Variants in RABGAP1L observed in about 807,000 individuals in gnomAD.
RABGAP1L encodes RAB GTPase activating protein 1 like.
In RABGAP1L, 63 loss-of-function variants were observed where a neutral mutation model predicts 137.7. That is an observed-to-expected ratio of 0.46 (90% CI 0.37 to 0.56). RABGAP1L has a LOEUF of 0.56. RABGAP1L is among the 20% of genes least tolerant of loss of function. RABGAP1L has a pLI of 0.00. For missense variants in RABGAP1L, 1,095 were observed against 1,244.0 expected (o/e 0.88, Z 1.80); for synonymous variants, 431 against 433.7 (o/e 0.99, Z 0.08).
intron 17 of RABGAP1L, among the ~76,000 whole-genome samples, chr1:174,744,969 G>A (rs189141): frequency 0.14 from 20,726 of 152,046 alleles, 4,724 homozygotes; most frequent in African/African-American, 0.47. Flanking sequence ...TTCTAAATCC[G>A]AAATTATTTC....
chr1:174,892,707 G>C (rs1656384056), intron 19 of RABGAP1L: 4 of 511,976 alleles, frequency 7.8e-6, no homozygotes, highest in Admixed American at 6.4e-5. Flanking sequence ...ATTGCTTCAG[G>C]CTACCTCATT....
intron 13 of RABGAP1L, among the ~76,000 whole-genome samples, chr1:174,561,778 G>T (rs1667236259): frequency 6.6e-6 from 1 of 152,186 alleles, no homozygotes; most frequent in South Asian, 2.1e-4. Context: ...TTAATAAATG[G>T]TGTTGGGAAA....
chr1:174,490,477 C>A lies in RABGAP1L; in HGVS notation c.1710+96332C>A, dbSNP rs1159890256. Reference sequence around the variant, plus strand: ...AGCTGCCTGGAGCTGTGGGTTGATACAAGTGCCCCTGTGGTTACCACCACT... The same window carrying A: ...AGCTGCCTGGAGCTGTGGGTTGATAAAAGTGCCCCTGTGGTTACCACCACT... On this transcript the variant is annotated intron_variant, in intron 13 of 25. Transcript: ENST00000681986. 2.6e-5 allele frequency among the ~76,000 whole-genome samples: 4 copies of A among 152,132 alleles called. No individual in the cohort carries two copies. In the East Asian group the frequency reaches 5.8e-4, roughly 22 times the overall value.
rs575414090 is a variant in RABGAP1L at position 174,546,957 on chromosome 1, G to A, written c.1711-90418G>A. ...AGGCAGGAGAATGGCGTGAACCCGG[G>A]AGGCGGAGCTTGCAGTGAGCAGAGA... is the stretch of plus-strand genomic sequence containing the variant. On this transcript the variant is annotated intron_variant, in intron 13 of 25. Transcript: ENST00000681986. Among the ~76,000 whole-genome samples, 9 of 146,634 alleles carry A rather than the reference G, an allele frequency of 6.1e-5. No individual in the cohort carries two copies. In the South Asian group the frequency reaches 1.9e-3, roughly 32 times the overall value.
At chr1:174,214,919 T>A (rs2148445908) in intron 1 of RABGAP1L, among the ~76,000 whole-genome samples, 1 of 152,298 alleles carries the variant, frequency 6.6e-6, no homozygotes, top group Non-Finnish European at 1.5e-5. Flanking sequence ...TCCAGGACGT[T>A]GGACTGGGCA....
At chr1:174,387,936 T>C (rs1686933983) in intron 12 of RABGAP1L, among the ~76,000 whole-genome samples, 1 of 152,078 alleles carries the variant, frequency 6.6e-6, no homozygotes, top group Non-Finnish European at 1.5e-5. Flanking sequence ...ATGAAAAGGG[T>C]AACATTTGTG....
At chr1:174,184,007 A>T (rs1666596417) in intron 1 of RABGAP1L, among the ~76,000 whole-genome samples, 1 of 151,312 alleles carries the variant, frequency 6.6e-6, no homozygotes, top group South Asian at 2.1e-4. Flanking sequence ...CTGGGACTAC[A>T]GGCACCCACC....
chr1:174,600,678 C>A (rs574456582), intron 13 of RABGAP1L, among the ~76,000 whole-genome samples: 9 of 152,202 alleles, frequency 5.9e-5, no homozygotes, highest in African/African-American at 2.2e-4. Flanking sequence ...CACACTGATG[C>A]AAGAGGTGGG....
intron 19 of RABGAP1L, among the ~76,000 whole-genome samples, chr1:174,956,778 G>C (rs12123868): frequency 6.6e-6 from 1 of 151,418 alleles, no homozygotes; most frequent in South Asian, 2.1e-4. Context: ...CTCCAGAGTA[G>C]CTGGGATTAC....
intron 13 of RABGAP1L, among the ~76,000 whole-genome samples, chr1:174,560,095 C>T (rs2148013408): frequency 6.6e-6 from 1 of 151,552 alleles, no homozygotes; most frequent in South Asian, 2.1e-4. Context: ...GACCACGCCA[C>T]TGCACTCTAG....
chr1:174,854,533 C>A (rs1648917578), intron 19 of RABGAP1L, among the ~76,000 whole-genome samples: 1 of 151,888 alleles, frequency 6.6e-6, no homozygotes, highest in Admixed American at 6.6e-5. Context: ...AAATGCCCAT[C>A]TCACTGGATG....
chr1:174,944,786 C>T (rs1666471161), intron 19 of RABGAP1L, among the ~76,000 whole-genome samples: 1 of 150,494 alleles, frequency 6.6e-6, no homozygotes, highest in Non-Finnish European at 1.5e-5. Context: ...ACTGTTTGTT[C>T]TTCTCATATA....
chr1:174,854,714 G>GCTTTTTT (rs1648965104), intron 19 of RABGAP1L, among the ~76,000 whole-genome samples: 1 of 58,572 alleles, frequency 1.7e-5, no homozygotes, highest in Non-Finnish European at 3.4e-5. Flanking sequence ...CAATATAAAT[G>GCTTTTTT]CTTTTTTTTT....
intron 19 of RABGAP1L, among the ~76,000 whole-genome samples, chr1:174,814,642 G>C (rs911266354): frequency 2.6e-5 from 4 of 151,528 alleles, no homozygotes; most frequent in African/African-American, 7.3e-5. Context: ...TAACTGAAGA[G>C]ATACTTACCC....
Position 174,568,701 on chromosome 1 carries a change from G to GT in RABGAP1L, c.1711-68673dup, listed in dbSNP as rs1039079183. Among the ~76,000 whole-genome samples, 64 of 152,136 alleles carry GT rather than the reference G, an allele frequency of 4.2e-4. 1 individual carries two copies. The highest frequency in any genetic ancestry group is 1.1e-3 in the Admixed American group (17 of 15,288). On this transcript the variant is annotated intron_variant, in intron 13 of 25. Coordinates refer to ENST00000681986, the MANE Select transcript of RABGAP1L (RefSeq NM_001366446.1). ...TGAGAGAAAGACTGAGTGTGTGTGTGTATTTGTGTGTTTGTGTAAGTGTGT... is the reference window on the plus strand; with the variant it reads ...TGAGAGAAAGACTGAGTGTGTGTGTGTTATTTGTGTGTTTGTGTAAGTGTGT...
At chr1:174,195,687 T>C in intron 1 of RABGAP1L, among the ~76,000 whole-genome samples, 1 of 116,922 alleles carries the variant, frequency 8.6e-6, no homozygotes, top group Admixed American at 8.7e-5. Context: ...TTTCCTTCTT[T>C]CCTTCTTTCC....
rs1324825341 is a variant in RABGAP1L at position 174,231,161 on chromosome 1, A to G, written c.348A>G (p.Arg116=). Residue 116 remains arginine (R), a synonymous_variant, in exon 4 of 26, where the codon AGA becomes AGG. Transcript: ENST00000681986. ...DPSNTEISTP[R]PSSPGGLPEE... ...TTTCTTCAGAAATTTCTACACCCAG[A>G]CCATCTTCTCCAGGTGGACTACCTG... The G allele has an allele frequency of 3.1e-6, 5 of 1,611,426 alleles. No individual in the cohort carries two copies. The African/African-American group carries it at 5.3e-5, about 17-fold the overall frequency.
At chr1:174,876,954 A>G (rs1033742518) in intron 19 of RABGAP1L, among the ~76,000 whole-genome samples, 1 of 152,108 alleles carries the variant, frequency 6.6e-6, no homozygotes, top group African/African-American at 2.4e-5. Flanking sequence ...TGAGAAATTA[A>G]AATGGTTTTC....
At chr1:174,730,780 C>G (rs975096187) in intron 17 of RABGAP1L, among the ~76,000 whole-genome samples, 3 of 151,992 alleles carry the variant, frequency 2.0e-5, no homozygotes, top group Admixed American at 1.3e-4. Context: ...TACACAAGTT[C>G]AAGGTCCTAA....
Sources: gnomAD v4.1 joint callset for allele counts (sites outside exome capture counted in the v4.1 genomes callset) on GRCh38, gnomAD v4.1.1 for gene constraint, MANE v1.5 for transcripts, NCBI Gene and HGNC (gene_info 2026-07-23, HGNC 2026-07-21) for gene names.